The following PLCL2 variants were observed in gnomAD, a reference collection of about 807,000 sequenced individuals.
PLCL2 encodes the protein phospholipase C like 2.
A neutral mutation model predicts 79.6 loss-of-function variants in PLCL2; 4 were observed. The observed-to-expected ratio is 0.05, with a 90% CI of 0.02 to 0.11. The LOEUF is 0.11. PLCL2 is among the 10% of genes least tolerant of loss of function. The pLI, the probability that PLCL2 is intolerant of heterozygous loss-of-function variation, is 1.00. For synonymous variants in PLCL2, 484 were observed against 457.7 expected, an observed-to-expected ratio of 1.06 and a Z score of -0.73; for missense variants, 895 against 1,291.0, an observed-to-expected ratio of 0.69 and a Z score of 4.70.
chr3:16,983,266 C>G (rs548644598), intron 1 of PLCL2, among the ~76,000 whole-genome samples: 2 of 152,324 alleles, frequency 1.3e-5, no homozygotes, highest in South Asian at 4.1e-4. Context: ...CAATGCCTAA[C>G]CAAGTTTAAA....
intron 1 of PLCL2, among the ~76,000 whole-genome samples, chr3:16,922,753 A>T (rs1420801081): frequency 7.2e-6 from 1 of 139,758 alleles, no homozygotes; most frequent in Non-Finnish European, 1.6e-5. Context: ...ATATATTAAG[A>T]AAAAAATAAT....
At chr3:16,929,239 C>T (rs114463785) in intron 1 of PLCL2, among the ~76,000 whole-genome samples, 1,559 of 151,912 alleles carry the variant, frequency 0.01, 11 homozygotes, top group Non-Finnish European at 0.015. Flanking sequence ...AGAAACTGCT[C>T]TGCACTAGGA....
intron 3 of PLCL2, among the ~76,000 whole-genome samples, chr3:17,029,168 G>C (rs1243397757): frequency 6.6e-6 from 1 of 151,776 alleles, no homozygotes; most frequent in Non-Finnish European, 1.5e-5. Flanking sequence ...AACTCCAGAT[G>C]CTTGTAGGGA....
chr3:16,937,770 C>A (rs1015521109), intron 1 of PLCL2, among the ~76,000 whole-genome samples: 21 of 152,212 alleles, frequency 1.4e-4, no homozygotes, highest in African/African-American at 4.8e-4. Flanking sequence ...TTCCCCCTCC[C>A]TGTTGCCGAT....
At chr3:16,902,001 G>T (rs1330224524) in intron 1 of PLCL2, among the ~76,000 whole-genome samples, 1 of 152,132 alleles carries the variant, frequency 6.6e-6, no homozygotes, top group African/African-American at 2.4e-5. Context: ...GTTACCCATG[G>T]ATTCACTGGT....
chr3:16,955,614 T>C (rs1167515050), intron 1 of PLCL2, among the ~76,000 whole-genome samples: 1 of 152,222 alleles, frequency 6.6e-6, no homozygotes, highest in Non-Finnish European at 1.5e-5. Context: ...TAAATTACCT[T>C]GGGCAGTATG....
chr3:16,949,425 T>A (rs1358121162), intron 1 of PLCL2, among the ~76,000 whole-genome samples: 1 of 152,250 alleles, frequency 6.6e-6, no homozygotes, highest in Non-Finnish European at 1.5e-5. Flanking sequence ...TTTAATTTCC[T>A]CTTCTACAAA....
At chr3:16,922,752 G>A (rs1559486442) in intron 1 of PLCL2, among the ~76,000 whole-genome samples, 1 of 141,410 alleles carries the variant, frequency 7.1e-6, no homozygotes, top group Non-Finnish European at 1.6e-5. Flanking sequence ...AATATATTAA[G>A]AAAAAAATAA....
chr3:16,917,784 C>A (rs1281500327), intron 1 of PLCL2, among the ~76,000 whole-genome samples: 1 of 152,098 alleles, frequency 6.6e-6, no homozygotes, highest in Non-Finnish European at 1.5e-5. Context: ...GATTCATAGA[C>A]CAGCACTGAT....
chr3:16,890,499 G>A (rs1405464389), intron 1 of PLCL2, among the ~76,000 whole-genome samples: 1 of 152,116 alleles, frequency 6.6e-6, no homozygotes, highest in Non-Finnish European at 1.5e-5. Context: ...ATTATTTACA[G>A]CCTAAATGCA....
intron 4 of PLCL2, 114 bp downstream of exon 4, chr3:17,043,063 T>C: frequency 1.4e-6 from 1 of 716,500 alleles, no homozygotes; most frequent in Non-Finnish European, 2.5e-6. Flanking sequence ...AAGAAAATTA[T>C]TTTTCTATGG....
At chr3:17,012,206 G>C (rs1347593178) in intron 2 of PLCL2, 46 bp downstream of exon 2, 1 of 1,525,430 alleles carries the variant, frequency 6.6e-7, no homozygotes, top group Non-Finnish European at 8.9e-7. Flanking sequence ...TTCCTACTTT[G>C]TACATGTCCA....
intron 1 of PLCL2, among the ~76,000 whole-genome samples, chr3:16,917,228 G>A (rs1222196077): frequency 6.6e-6 from 1 of 152,022 alleles, no homozygotes; most frequent in Non-Finnish European, 1.5e-5. Flanking sequence ...AGCTTTCTGG[G>A]CTATCTGGTT....
chr3:17,000,427 CATTT>C (rs77414973), intron 1 of PLCL2, among the ~76,000 whole-genome samples: 39,066 of 151,728 alleles, frequency 0.26, 5,393 homozygotes, highest in East Asian at 0.53. Flanking sequence ...TCATGTCAAA[CATTT>C]ATAATTTCTT....
chr3:17,062,138 A>G (rs1470069877), intron 4 of PLCL2, among the ~76,000 whole-genome samples: 1 of 152,184 alleles, frequency 6.6e-6, no homozygotes, highest in Non-Finnish European at 1.5e-5. Context: ...CATTTTGTTG[A>G]AAGAGCAGCC....
intron 1 of PLCL2, among the ~76,000 whole-genome samples, chr3:16,911,079 C>T (rs1268856734): frequency 6.6e-6 from 1 of 151,810 alleles, no homozygotes; most frequent in Non-Finnish European, 1.5e-5. Flanking sequence ...ATGGTGAAAC[C>T]CCATCTCAAC....
chr3:17,079,028 C>T (rs2065136086), intron 5 of PLCL2, among the ~76,000 whole-genome samples: 1 of 152,134 alleles, frequency 6.6e-6, no homozygotes, highest in Non-Finnish European at 1.5e-5. Flanking sequence ...AACATTGGGA[C>T]CCCACTCATG....
chr3:16,890,985 A>G (rs1696334063), intron 1 of PLCL2, among the ~76,000 whole-genome samples: 3 of 152,214 alleles, frequency 2.0e-5, no homozygotes, highest in African/African-American at 7.2e-5. Context: ...ATGGCAAACC[A>G]GGGCAGGTTG....
At chr3:17,085,070 T>C (rs2065202691) in intron 5 of PLCL2, among the ~76,000 whole-genome samples, 1 of 152,134 alleles carries the variant, frequency 6.6e-6, no homozygotes, top group East Asian at 1.9e-4. Flanking sequence ...AACAATATAA[T>C]GAGCAATTAT....
Sources: allele counts gnomAD v4.1 joint callset (sites outside exome capture counted in the v4.1 genomes callset), GRCh38; gene constraint gnomAD v4.1.1; transcripts MANE v1.5; gene names NCBI Gene and HGNC (gene_info 2026-07-23, HGNC 2026-07-21).